FXN: variants seen among roughly 807,000 people sequenced by gnomAD.
FXN encodes frataxin.
A neutral mutation model predicts 22.4 loss-of-function variants in FXN; 14 were observed. The ratio of observed to expected loss-of-function variants is 0.62; its 90% CI spans 0.41 to 0.98. FXN has a LOEUF of 0.98. FXN is among the 50% of genes least tolerant of loss of function. The probability of loss-of-function intolerance (pLI) is 0.00; values close to 1 mark genes in which losing one functional copy is unlikely to be tolerated. For synonymous variants in FXN, 120 were observed against 114.1 expected (o/e 1.05, Z -0.33); for missense variants, 267 against 268.4 (o/e 0.99, Z 0.04).
In FXN at chr9:69,075,693, G is replaced by C. The variant is rs776742257; in HGVS notation, c.*2931G>C. 14 of 985,360 alleles carry C rather than the reference G, an allele frequency of 1.4e-5. No individual in the cohort carries two copies. The highest frequency in any genetic ancestry group is 1.6e-5 in the Non-Finnish European group (13 of 829,866). 61.0% of individuals were successfully genotyped at this position (985,360 alleles called of 1,614,324 possible). A position where few individuals can be genotyped will look rare whatever the true frequency, so the allele number is the denominator to read the frequency against. ...TATTCACTGTAACATACTGGAGGAG[G>C]TGAGGAATTGCATAATACAATCTTA... On this transcript the variant is annotated 3_prime_UTR_variant, in exon 5 of 5. Transcript: ENST00000484259.
At chr9:69,038,024 A>C (rs1831594971) in intron 1 of FXN, among the ~76,000 whole-genome samples, 1 of 152,232 alleles carries the variant, frequency 6.6e-6, no homozygotes, top group African/African-American at 2.4e-5. Flanking sequence ...GGTGGCTGTT[A>C]AGGGCTATTG....
intron 2 of FXN, 110 bp from the exon 3 acceptor site, chr9:69,053,030 C>A: frequency 1.2e-4 from 126 of 1,062,468 alleles, no homozygotes; most frequent in Non-Finnish European, 1.5e-4. Context: ...TTACTTTTTA[C>A]ATGTTATTTT....
intron 3 of FXN, among the ~76,000 whole-genome samples, chr9:69,057,868 T>A (rs1294308880): frequency 2.6e-5 from 4 of 152,152 alleles, no homozygotes; most frequent in Non-Finnish European, 5.9e-5. Context: ...GTTATAATTG[T>A]CTATTTACAC....
At chr9:69,056,320 C>T (rs1421111449) in intron 3 of FXN, among the ~76,000 whole-genome samples, 2 of 152,158 alleles carry the variant, frequency 1.3e-5, no homozygotes, top group Admixed American at 6.5e-5. Context: ...TGCTGAGAGG[C>T]GTAGCTAAGC....
intron 3 of FXN, among the ~76,000 whole-genome samples, chr9:69,059,241 A>C (rs1385793075): frequency 2.0e-5 from 3 of 152,096 alleles, no homozygotes; most frequent in Admixed American, 2.0e-4. Flanking sequence ...AGAAGCCCTT[A>C]GATCCGAACT....
intron 2 of FXN, among the ~76,000 whole-genome samples, chr9:69,051,289 T>G (rs972663526): frequency 6.6e-6 from 1 of 152,084 alleles, no homozygotes; most frequent in Non-Finnish European, 1.5e-5. Context: ...AGAGACGGGG[T>G]CTCTGTTGTC....
chr9:69,038,657 C>G (rs1177610041), intron 1 of FXN, among the ~76,000 whole-genome samples: 1 of 151,780 alleles, frequency 6.6e-6, no homozygotes, highest in Non-Finnish European at 1.5e-5. Flanking sequence ...GAAACCCCAT[C>G]TCTACTAAAA....
chr9:69,068,199 C>T (rs1006170459), intron 4 of FXN, among the ~76,000 whole-genome samples: 23 of 152,326 alleles, frequency 1.5e-4, no homozygotes, highest in Admixed American at 1.5e-3. Flanking sequence ...CCTGGCCCTG[C>T]TTTGACCCAC....
intron 1 of FXN, among the ~76,000 whole-genome samples, chr9:69,040,566 G>A (rs1419900591): frequency 6.6e-6 from 1 of 152,112 alleles, no homozygotes; most frequent in Non-Finnish European, 1.5e-5. Flanking sequence ...TACTCGGGAC[G>A]CTGAGGCAGG....
intron 3 of FXN, among the ~76,000 whole-genome samples, chr9:69,057,019 C>T (rs1422181096): frequency 1.3e-5 from 2 of 152,092 alleles, no homozygotes; most frequent in African/African-American, 4.8e-5. Context: ...GCTGGGATTA[C>T]AGGCAGCTCC....
rs569452970 is a variant in FXN, at chr9:69,063,890, C to T, written c.385-1048C>T. On this transcript the variant is annotated intron_variant, in intron 3 of 4. Coordinates refer to ENST00000484259, the MANE Select transcript of FXN (RefSeq NM_000144.5). Reference sequence around the variant, plus strand: ...GTAGAGACAGGGTTTTGCCATATTGCCTAGGCCGGTCTGGAACTTCTGGGC... The same window carrying T: ...GTAGAGACAGGGTTTTGCCATATTGTCTAGGCCGGTCTGGAACTTCTGGGC... 1.6e-3 allele frequency among the ~76,000 whole-genome samples: 244 copies of T among 152,232 alleles called. 2 individuals carry two copies. The highest frequency in any genetic ancestry group is 5.2e-3 in the African/African-American group (217 of 41,542).
chr9:69,060,009 A>G (rs1460204403), intron 3 of FXN, among the ~76,000 whole-genome samples: 1 of 152,194 alleles, frequency 6.6e-6, no homozygotes, highest in African/African-American at 2.4e-5. Context: ...CAAGTGAGCT[A>G]GTGACAACAG....
Position 69,076,140 on chromosome 9 carries a change from G to A in FXN, c.*3378G>A. On this transcript the variant is annotated 3_prime_UTR_variant, in exon 5 of 5. Transcript: ENST00000484259. ...AATGAGGTGTGTAAAAGAGAACCTG[G>A]GTTTTTGAATCACAAATTTAGAATT... is the stretch of plus-strand genomic sequence containing the variant. The A allele has an allele frequency of 1.0e-6, 1 of 985,088 alleles. No homozygotes were observed. 61.0% of individuals were successfully genotyped at this position (985,088 alleles called of 1,614,324 possible).
At chr9:69,047,350 GACACACACACACACACACAC>G (rs148756619) in intron 2 of FXN, among the ~76,000 whole-genome samples, 2 of 144,112 alleles carry the variant, frequency 1.4e-5, no homozygotes, top group Non-Finnish European at 3.1e-5. Flanking sequence ...CACACACACA[GACACACACACACACACACAC>G]ACACACACAC....
intron 1 of FXN, among the ~76,000 whole-genome samples, chr9:69,042,604 C>T (rs1436710599): frequency 6.6e-6 from 1 of 152,074 alleles, no homozygotes; most frequent in Non-Finnish European, 1.5e-5. Flanking sequence ...TAAAAACAGC[C>T]GAAGAAAGAC....
Position 69,075,410 on chromosome 9 carries a change from A to C in FXN, c.*2648A>C, listed in dbSNP as rs1316638694. 1.2e-6 allele frequency: 1 copy of C among 839,160 alleles called. No homozygotes were observed. The highest frequency in any genetic ancestry group is 6.2e-5 in the Admixed American group (1 of 16,080). 52.0% of individuals were successfully genotyped at this position (839,160 alleles called of 1,614,324 possible). On this transcript the variant is annotated 3_prime_UTR_variant, in exon 5 of 5. Transcript: ENST00000484259. ...GGGGGGTGGAGGTTGCAGTGAGACG[A>C]GATCATGCCACTTCACTCCAGCCTG...
intron 4 of FXN, among the ~76,000 whole-genome samples, chr9:69,066,606 G>C (rs1832168953): frequency 6.6e-6 from 1 of 152,124 alleles, no homozygotes; most frequent in South Asian, 2.1e-4. Context: ...GAGCCTGTGT[G>C]TTCTTATCCT....
chr9:69,061,604 G>T (rs1351584129), intron 3 of FXN, among the ~76,000 whole-genome samples: 1 of 151,786 alleles, frequency 6.6e-6, no homozygotes. Flanking sequence ...GTGCCATGCT[G>T]GTGTGCTGCA....
intron 4 of FXN, among the ~76,000 whole-genome samples, chr9:69,065,887 A>T (rs575842589): frequency 6.6e-6 from 1 of 152,338 alleles, no homozygotes; most frequent in East Asian, 1.9e-4. Context: ...GTAAAGGGTT[A>T]TTTGAATTCC....
Sources: allele counts gnomAD v4.1 joint callset (sites outside exome capture counted in the v4.1 genomes callset), GRCh38; gene constraint gnomAD v4.1.1; transcripts MANE v1.5; gene names NCBI Gene and HGNC (gene_info 2026-07-23, HGNC 2026-07-21).